The following DCAF8 variants were observed in gnomAD, a reference collection of about 807,000 sequenced individuals.
DCAF8 encodes DDB1 and CUL4 associated factor 8, also known as DDB1- and CUL4-associated factor 8.
Under a neutral mutation model 68.0 loss-of-function variants are expected in DCAF8, and 20 were observed. That is an observed-to-expected ratio of 0.29 (90% CI 0.21 to 0.43). The LOEUF (loss-of-function observed/expected upper bound fraction) is 0.43, where lower values mean the gene tolerates loss of function less well. DCAF8 is among the 20% of genes least tolerant of loss of function. DCAF8 has a pLI of 1.00. For synonymous variants in DCAF8, 230 were observed against 276.9 expected (o/e 0.83, Z 1.68); for missense variants, 460 against 771.0 (o/e 0.60, Z 4.78).
intron 6 of DCAF8, among the ~76,000 whole-genome samples, chr1:160,232,635 T>G (rs914555708): frequency 6.7e-6 from 1 of 149,384 alleles, no homozygotes; most frequent in East Asian, 2.0e-4. Context: ...AGGGAGACTC[T>G]GTCTCAAAAA....
Position 160,237,141 on chromosome 1 carries a change from G to T in DCAF8, c.953C>A (p.Pro318Gln), listed in dbSNP as rs1261892205. Residue 318 changes from proline (P) to glutamine (Q), a missense_variant, in exon 6 of 14, where the codon CCA becomes CAA. Pro to Gln is a moderately conservative substitution (Grantham distance 76, BLOSUM62 -1). Around this residue, in one of 8 missense-constraint regions of DCAF8, gnomAD observed 170 missense variants for 318.2 expected, o/e 0.53. Transcript: ENST00000368074. The part of the protein sequence containing the change: ...VFTIDLRQDR[P>Q]ASKLVVTKEK... Reference sequence around the variant, plus strand: ...ATATTACTGCTACACTTACGACGCTGGGCGGTCTTGTCTCAGGTCAATGGT... The same window carrying T: ...ATATTACTGCTACACTTACGACGCTTGGCGGTCTTGTCTCAGGTCAATGGT... 1 of 1,564,120 alleles carries T rather than the reference G, an allele frequency of 6.4e-7. No homozygotes were observed. The highest frequency in any genetic ancestry group is 1.2e-5 in the South Asian group (1 of 85,104).
intron 2 of DCAF8, among the ~76,000 whole-genome samples, chr1:160,249,596 C>T (rs1162363824): frequency 6.6e-6 from 1 of 152,068 alleles, no homozygotes; most frequent in Non-Finnish European, 1.5e-5. Context: ...AATTAAAGAC[C>T]AGCCTGAGTA....
At chr1:160,226,573 C>T (rs1348233506) in intron 7 of DCAF8, among the ~76,000 whole-genome samples, 1 of 152,200 alleles carries the variant, frequency 6.6e-6, no homozygotes, top group Non-Finnish European at 1.5e-5. Flanking sequence ...AAATGCTTTT[C>T]ATTTCATCCT....
chr1:160,218,132 CA>C (rs1291722272), intron 13 of DCAF8, 191 bp downstream of exon 13: 18 of 648,732 alleles, frequency 2.8e-5, no homozygotes, highest in Non-Finnish European at 4.4e-5. Context: ...CGGCAATGGA[CA>C]AAAGTAGATA....
intron 2 of DCAF8, among the ~76,000 whole-genome samples, chr1:160,252,616 T>C (rs982789827): frequency 6.6e-6 from 1 of 152,090 alleles, no homozygotes; most frequent in Non-Finnish European, 1.5e-5. Context: ...TTGTCAAAGA[T>C]AATAAGATGG....
intron 4 of DCAF8, chr1:160,239,051 A>C (rs1655995122): frequency 1.5e-5 from 9 of 588,558 alleles, no homozygotes; most frequent in African/African-American, 2.0e-5. Context: ...GGAATAGAGG[A>C]GGAAAAATCT....
At chr1:160,229,668 T>C (rs1189724907) in intron 7 of DCAF8, among the ~76,000 whole-genome samples, 1 of 152,034 alleles carries the variant, frequency 6.6e-6, no homozygotes, top group Non-Finnish European at 1.5e-5. Context: ...TTGGAGGAGG[T>C]AGCAACTGAA....
At chr1:160,253,475 CT>C (rs775272496) in intron 2 of DCAF8, among the ~76,000 whole-genome samples, 10 of 151,776 alleles carry the variant, frequency 6.6e-5, no homozygotes, top group Non-Finnish European at 1.2e-4. Context: ...TGGTGAAACC[CT>C]GTCTCTACTA....
At chr1:160,224,604 A>C in intron 9 of DCAF8, 55 bp from the exon 10 acceptor site, 1 of 1,411,472 alleles carries the variant, frequency 7.1e-7, no homozygotes, top group African/African-American at 1.4e-5. Flanking sequence ...AGCAGGGACC[A>C]GGAGGTGGGG....
chr1:160,222,890 T>G, intron 10 of DCAF8, 109 bp from the exon 11 acceptor site: 1 of 1,461,448 alleles, frequency 6.8e-7, no homozygotes, highest in Non-Finnish European at 9.4e-7. Flanking sequence ...AGCTAGATTA[T>G]GCATGTTTAA....
chr1:160,230,479 G>A (rs1655638883), intron 7 of DCAF8, among the ~76,000 whole-genome samples: 2 of 152,140 alleles, frequency 1.3e-5, no homozygotes, highest in Non-Finnish European at 2.9e-5. Context: ...TGTCTCAAGA[G>A]CCAGTGTTAA....
At chr1:160,252,664 A>G (rs1469282701) in intron 2 of DCAF8, among the ~76,000 whole-genome samples, 2 of 152,212 alleles carry the variant, frequency 1.3e-5, no homozygotes, top group African/African-American at 4.8e-5. Flanking sequence ...ACAAGTTTAA[A>G]AGCTATTATA....
At chr1:160,254,718 G>A (rs1319384323) in intron 2 of DCAF8, among the ~76,000 whole-genome samples, 2 of 152,056 alleles carry the variant, frequency 1.3e-5, no homozygotes. Context: ...TTGAACCCGA[G>A]AGGGGAAGGT....
intron 7 of DCAF8, among the ~76,000 whole-genome samples, chr1:160,229,510 T>C (rs1409856005): frequency 1.3e-5 from 2 of 152,172 alleles, no homozygotes; most frequent in South Asian, 2.1e-4. Context: ...TACATACATA[T>C]GAATACAGTT....
intron 2 of DCAF8, among the ~76,000 whole-genome samples, chr1:160,250,541 TAC>T (rs1327134245): frequency 5.5e-5 from 8 of 144,984 alleles, no homozygotes; most frequent in Non-Finnish European, 9.1e-5. Flanking sequence ...AATGACATAA[TAC>T]CATTAAAAAC....
Position 160,255,384 on chromosome 1 carries a change from T to G in DCAF8, c.-27+5901A>C, listed in dbSNP as rs148296226. 1.6e-3 allele frequency among the ~76,000 whole-genome samples: 246 copies of G among 152,310 alleles called. 1 individual carries two copies. The highest frequency in any genetic ancestry group is 5.4e-3 in the African/African-American group (226 of 41,578). On this transcript the variant is annotated intron_variant, in intron 2 of 13. Coordinates refer to ENST00000368074, the MANE Select transcript of DCAF8 (RefSeq NM_015726.4). ...CCTGAGCTCAAGTAATCCTCCTACC[T>G]TGGCCTCCCAAAGTGCTGGGATTAT... is the stretch of plus-strand genomic sequence containing the variant.
At chr1:160,254,791 A>AAAAAAAG (rs1656763824) in intron 2 of DCAF8, among the ~76,000 whole-genome samples, 1 of 152,188 alleles carries the variant, frequency 6.6e-6, no homozygotes, top group Non-Finnish European at 1.5e-5. Flanking sequence ...TCCATCTAAA[A>AAAAAAAG]AAAAAAGAAA....
At chr1:160,262,245 G>T (rs896482391) in intron 1 of DCAF8, 10 of 398,510 alleles carry the variant, frequency 2.5e-5, no homozygotes, top group South Asian at 1.4e-4. Context: ...AGCGAGGGGG[G>T]GCGCAGGCCG....
chr1:160,217,828 CAG>C, intron 13 of DCAF8, 120 bp from the exon 14 acceptor site: 1 of 723,136 alleles, frequency 1.4e-6, no homozygotes, highest in Non-Finnish European at 2.4e-6. Flanking sequence ...CTTAAAGGGC[CAG>C]AGAGTAAATA....
Sources: allele counts gnomAD v4.1 joint callset (sites outside exome capture counted in the v4.1 genomes callset), GRCh38; gene constraint gnomAD v4.1.1; regional missense constraint gnomAD v4.1.1; transcripts MANE v1.5; gene names NCBI Gene and HGNC (gene_info 2026-07-23, HGNC 2026-07-21).